The following NF1 variants were observed in gnomAD, a reference collection of about 807,000 sequenced individuals.
The protein encoded by NF1 is neurofibromin.
Under a neutral mutation model 325.7 loss-of-function variants are expected in NF1, and 122 were observed. That is an observed-to-expected ratio of 0.37 (90% CI 0.32 to 0.44). The LOEUF (loss-of-function observed/expected upper bound fraction) is 0.44. Among genes scored for constraint, NF1 ranks in the 20% least tolerant of loss-of-function variants. The probability of loss-of-function intolerance (pLI) is 1.00; values close to 1 mark genes in which losing one functional copy is unlikely to be tolerated. For synonymous variants in NF1, 1,091 were observed against 1,186.0 expected (o/e 0.92, Z 1.65); for missense variants, 2,140 against 3,415.4 (o/e 0.63, Z 9.31).
intron 36 of NF1, among the ~76,000 whole-genome samples, chr17:31,280,728 C>T (rs1441851995): frequency 1.3e-5 from 2 of 151,918 alleles, no homozygotes; most frequent in Non-Finnish European, 2.9e-5. Context: ...ACATTACTGC[C>T]AGAATCATCT....
chr17:31,207,716 C>T (rs1447830503), intron 12 of NF1, among the ~76,000 whole-genome samples: 1 of 151,894 alleles, frequency 6.6e-6, no homozygotes, highest in African/African-American at 2.4e-5. Context: ...TAAATAATAG[C>T]TGTTTAAATG....
At chr17:31,316,300 A>T (rs149551047) in intron 36 of NF1, among the ~76,000 whole-genome samples, 167 of 152,266 alleles carry the variant, frequency 1.1e-3, no homozygotes, top group African/African-American at 3.8e-3. Context: ...TATCTTACCT[A>T]CCATTTTAAA....
chr17:31,150,127 G>A (rs887693816), intron 1 of NF1, among the ~76,000 whole-genome samples: 1 of 152,102 alleles, frequency 6.6e-6, no homozygotes, highest in African/African-American at 2.4e-5. Context: ...GAAGTGTTTT[G>A]GATTTCACAT....
intron 14 of NF1, among the ~76,000 whole-genome samples, chr17:31,220,241 A>C (rs2066898555): frequency 6.6e-6 from 1 of 152,196 alleles, no homozygotes; most frequent in Non-Finnish European, 1.5e-5. Context: ...ATCCTAATGT[A>C]CATACTGTAC....
At chr17:31,313,095 A>C (rs548162481) in intron 36 of NF1, among the ~76,000 whole-genome samples, 1 of 152,242 alleles carries the variant, frequency 6.6e-6, no homozygotes, top group East Asian at 1.9e-4. Flanking sequence ...ATCATTATTA[A>C]ATATAAAATC....
At chr17:31,221,801 ATGTT>A in intron 14 of NF1, 45 bp from the exon 15 acceptor site, 4 of 1,351,082 alleles carry the variant, frequency 3.0e-6, no homozygotes, top group Non-Finnish European at 4.2e-6. Context: ...TTTACCAAAA[ATGTT>A]TGAGTGAGTC....
At position 31,225,392 on chromosome 17, in the gene NF1, A is replaced by G. The variant is rs902962673; in HGVS notation, c.2001+142A>G. On this transcript the variant is annotated intron_variant, in intron 17 of 57. Coordinates refer to ENST00000358273, the MANE Select transcript of NF1 (RefSeq NM_001042492.3). ...CTAGTTCTATTACTGCTCTTTGTGG[A>G]ACTTTGGGCAAGTTCTTAACATCCT... 5.9e-5 allele frequency: 53 copies of G among 904,808 alleles called. No individual in the cohort carries two copies. The African/African-American group carries it at 7.9e-4, about 13-fold the overall frequency. The allele number at this position is 904,808 out of a possible 1,614,324, so 56.0% of individuals were successfully genotyped here.
intron 1 of NF1, among the ~76,000 whole-genome samples, chr17:31,128,851 G>A (rs1380826320): frequency 1.3e-5 from 2 of 151,990 alleles, no homozygotes; most frequent in Non-Finnish European, 2.9e-5. Flanking sequence ...AAGTAAACCC[G>A]GGAGGCGGAG....
At chr17:31,340,130 A>G (rs2069778558) in intron 46 of NF1, 1 of 289,220 alleles carries the variant, frequency 3.5e-6, no homozygotes, top group Non-Finnish European at 6.7e-6. Context: ...GTAGGGAGAA[A>G]CTGAAGTAAA....
intron 29 of NF1, among the ~76,000 whole-genome samples, chr17:31,243,903 C>T (rs2151446090): frequency 6.6e-6 from 1 of 151,990 alleles, no homozygotes; most frequent in African/African-American, 2.4e-5. Flanking sequence ...ATAGCCACCA[C>T]AGTTGGTAAT....
chr17:31,338,689 C>T lies in NF1; in HGVS notation c.6820-15C>T, dbSNP rs2069741543. 1.3e-6 allele frequency: 2 copies of T among 1,560,926 alleles called. No homozygotes were observed. Among genetic ancestry groups the T allele is most frequent in the Non-Finnish European group, 1.8e-6 (2 of 1,132,200 alleles). On this transcript the variant is annotated splice_polypyrimidine_tract_variant and intron_variant, in intron 45 of 57. Transcript: ENST00000358273. ...TTCAATGAAAGTAAAATAAAAAATT[C>T]TGTTTTCCTAAAAGGCACTTGAGAG...
intron 57 of NF1, among the ~76,000 whole-genome samples, chr17:31,371,463 A>C (rs913043901): frequency 6.6e-6 from 1 of 152,230 alleles, no homozygotes; most frequent in Non-Finnish European, 1.5e-5. Flanking sequence ...AAAGAAGCTC[A>C]AGGCACATTC....
Position 31,177,713 on chromosome 17 carries a change from C to T in NF1, c.587-3709C>T, listed in dbSNP as rs574211753. ...GCTGAAAAATACAGCATGAGAACTTCGTGAAGCATACACAAGTATCAATAG... is the reference window on the plus strand; with the variant it reads ...GCTGAAAAATACAGCATGAGAACTTTGTGAAGCATACACAAGTATCAATAG... On this transcript the variant is annotated intron_variant, in intron 5 of 57. Transcript: ENST00000358273. 4.6e-5 allele frequency among the ~76,000 whole-genome samples: 7 copies of T among 151,764 alleles called. No individual in the cohort carries two copies. The East Asian group carries it at 7.8e-4, about 17-fold the overall frequency.
At chr17:31,333,626 A>G (rs1052318904) in intron 39 of NF1, among the ~76,000 whole-genome samples, 2 of 152,240 alleles carry the variant, frequency 1.3e-5, no homozygotes, top group Non-Finnish European at 1.5e-5. Context: ...GGAACTGATT[A>G]AATTATTGGT....
intron 46 of NF1, among the ~76,000 whole-genome samples, chr17:31,339,078 A>T (rs2069755468): frequency 6.6e-6 from 1 of 152,174 alleles, no homozygotes; most frequent in Non-Finnish European, 1.5e-5. Context: ...TTTATCTTAT[A>T]ACTATTAATT....
At chr17:31,288,082 A>C (rs1048202967) in intron 36 of NF1, among the ~76,000 whole-genome samples, 39 of 152,078 alleles carry the variant, frequency 2.6e-4, no homozygotes, top group Non-Finnish European at 4.4e-4. Flanking sequence ...AAAGTATAAT[A>C]ATAATAATTA....
intron 1 of NF1, among the ~76,000 whole-genome samples, chr17:31,096,419 C>T (rs1911728091): frequency 6.6e-6 from 1 of 152,146 alleles, no homozygotes; most frequent in Non-Finnish European, 1.5e-5. Context: ...GCCTGAGTTT[C>T]ACACAATAAA....
intron 1 of NF1, among the ~76,000 whole-genome samples, chr17:31,118,861 G>A (rs1328852073): frequency 6.6e-6 from 1 of 151,988 alleles, no homozygotes; most frequent in Non-Finnish European, 1.5e-5. Context: ...TTGAGGAATC[G>A]CCACACTGTC....
chr17:31,371,355 C>T (rs2070633808), intron 57 of NF1, among the ~76,000 whole-genome samples: 1 of 151,566 alleles, frequency 6.6e-6, no homozygotes, highest in Non-Finnish European at 1.5e-5. Flanking sequence ...AATAATGCAT[C>T]ATGAAGGAAA....
Sources: allele counts gnomAD v4.1 joint callset (sites outside exome capture counted in the v4.1 genomes callset), GRCh38; gene constraint gnomAD v4.1.1; transcripts MANE v1.5; gene names NCBI Gene and HGNC (gene_info 2026-07-23, HGNC 2026-07-21).